The following GRIN3B variants were observed in gnomAD, a reference collection of about 807,000 sequenced individuals.
GRIN3B encodes the protein glutamate ionotropic receptor NMDA type subunit 3B, also known as glutamate receptor ionotropic, NMDA 3B.
A neutral mutation model predicts 66.0 loss-of-function variants in GRIN3B; 77 were observed. The ratio of observed to expected loss-of-function variants is 1.17; its 90% CI spans 0.97 to 1.41. The LOEUF (loss-of-function observed/expected upper bound fraction) is 1.41, where lower values mean the gene tolerates loss of function less well. GRIN3B is among the 40% of genes most tolerant of loss of function. GRIN3B has a pLI of 0.00. For synonymous variants in GRIN3B, 823 were observed against 749.7 expected, an observed-to-expected ratio of 1.10 and a Z score of -1.60; for missense variants, 1,787 against 1,564.5, an observed-to-expected ratio of 1.14 and a Z score of -2.40.
intron 6 of GRIN3B, 55 bp from the exon 7 acceptor site, chr19:1,008,563 C>T: frequency 1.3e-6 from 2 of 1,563,104 alleles, no homozygotes; most frequent in Non-Finnish European, 1.7e-6. Flanking sequence ...GTTCAAGGCT[C>T]CCCAGGGGCC....
rs11085233 is a variant in GRIN3B at position 1,007,354 on chromosome 19, A to G, written c.2053-274A>G. ...AGGCGTCCAGCCCAGGGCGAGGTCC[A>G]GGTGGAGATGGACTTGCCGGCGTTT... On this transcript the variant is annotated intron_variant, in intron 3 of 8. Coordinates refer to ENST00000234389, the MANE Select transcript of GRIN3B (RefSeq NM_138690.3). The surrounding 1 kb of genome is among the most constrained non-coding windows in gnomAD (Gnocchi z 4.4). Among the ~76,000 whole-genome samples the G allele has an allele frequency of 0.38, 57,685 of 151,608 alleles. 11,495 individuals are homozygous for G. The highest frequency in any genetic ancestry group is 0.5 in the African/African-American group (20,560 of 41,244).
rs1253903191 is a variant in GRIN3B, at chr19:1,004,910, G to A, written c.1409G>A (p.Arg470His). The change falls in exon 3 of 9, where the codon CGT (arginine) becomes CAT (histidine). Residue 470 changes from arginine (R) to histidine (H), a missense_variant. Arg to His is a conservative substitution (Grantham distance 29). Coordinates refer to ENST00000234389, the MANE Select transcript of GRIN3B (RefSeq NM_138690.3). Reference protein sequence around the residue: ...FAALANGSAPRALRKCCYGYC... With the variant: ...FAALANGSAPHALRKCCYGYC... ...GCGCTGGCCAACGGCTCAGCGCCCC[G>A]TGCCCTGCGCAAGTGCTGCTACGGC... 12 of 1,611,528 alleles carry A rather than the reference G, an allele frequency of 7.4e-6. No individual in the cohort carries two copies. The highest frequency in any genetic ancestry group is 1.7e-5 in the Admixed American group (1 of 59,964).
Position 1,007,846 on chromosome 19 carries a change from G to T in GRIN3B, c.2199-10G>T. 6.3e-7 allele frequency: 1 copy of T among 1,599,450 alleles called. No individual in the cohort carries two copies. Among genetic ancestry groups the T allele is most frequent in the African/African-American group, 1.3e-5 (1 of 74,508 alleles). On this transcript the variant is annotated splice_polypyrimidine_tract_variant and intron_variant, in intron 4 of 8. Coordinates refer to ENST00000234389, the MANE Select transcript of GRIN3B (RefSeq NM_138690.3). The surrounding 1 kb of genome is among the most constrained non-coding windows in gnomAD (Gnocchi z 4.4). Reference sequence around the variant, plus strand: ...GGGCGATGGCTGACCCCCGCCCCCGGCCCCAGCAGGAGCGACCCCCCCAAG... The same window carrying T: ...GGGCGATGGCTGACCCCCGCCCCCGTCCCCAGCAGGAGCGACCCCCCCAAG...
In GRIN3B at chr19:1,004,881, C is replaced by G; in HGVS notation, c.1380C>G (p.Phe460Leu). 6.2e-7 allele frequency: 1 copy of G among 1,606,166 alleles called. No homozygotes were observed. Among genetic ancestry groups the G allele is most frequent in the Admixed American group, 1.7e-5 (1 of 59,452 alleles). Residue 460 changes from phenylalanine (F) to leucine (L), a missense_variant, in exon 3 of 9, where the codon TTC becomes TTG. By Grantham distance (22) the Phe-to-Leu change is conservative (BLOSUM62 0). Transcript: ENST00000234389. ...ACTCGGCCACCCTGGACGCACTGTT[C>G]GCCGCGCTGGCCAACGGCTCAGCGC... ...TNDSATLDAL[F>L]AALANGSAPR... is the part of the protein sequence containing the mutation.
In GRIN3B at chr19:1,009,228, G is replaced by A. The variant is rs1318027657; in HGVS notation, c.2758G>A (p.Gly920Ser). Residue 920 changes from glycine to serine, a missense_variant, in exon 9 of 9, where the codon GGC becomes AGC. Gly to Ser is a moderately conservative substitution (Grantham distance 56). Transcript: ENST00000234389. ...GCAGGACCAGCCAACGGCTCCGGAG[G>A]GCTGGAAACGGGCGCGCCGGGCCGT... ...QQQDQPTAPE[G>S]WKRARRAVDK... The A allele has an allele frequency of 7.5e-6, 11 of 1,459,552 alleles. No individual in the cohort carries two copies. The highest frequency in any genetic ancestry group is 2.7e-5 in the East Asian group (1 of 36,564). The allele number at this position is 1,459,552 out of a possible 1,614,324, so 90.4% of individuals were successfully genotyped here.
At position 1,007,624 on chromosome 19, in the gene GRIN3B, G is replaced by A. The variant is rs1002017434; in HGVS notation, c.2053-4G>A. On this transcript the variant is annotated splice_region_variant and splice_polypyrimidine_tract_variant and intron_variant, in intron 3 of 8. Coordinates refer to ENST00000234389, the MANE Select transcript of GRIN3B (RefSeq NM_138690.3). This position sits in a 1 kb window ranked among gnomAD's most constrained non-coding sequence, Gnocchi z 4.4. ...CAGAGGCGCTGACGGGGTCCCCCGC[G>A]CAGCTGCACCACCCGGCGCAGGGCT... The A allele has an allele frequency of 1.1e-4, 158 of 1,495,954 alleles. 1 individual carries two copies. Among genetic ancestry groups the A allele is most frequent in the Non-Finnish European group, 1.4e-4 (156 of 1,126,236 alleles). The allele number at this position is 1,495,954 out of a possible 1,614,324, so 92.7% of individuals were successfully genotyped here.
Position 1,003,662 on chromosome 19 carries a change from C to T in GRIN3B, c.959C>T (p.Pro320Leu), listed in dbSNP as rs1298292181. The change falls in exon 2 of 9, where the codon CCG (proline) becomes CTG (leucine). Residue 320 changes from proline to leucine, a missense_variant. Physicochemically the swap from Pro to Leu is moderately conservative, Grantham distance 98. Coordinates refer to ENST00000234389, the MANE Select transcript of GRIN3B (RefSeq NM_138690.3). ...VQPKRALLPA[P>L]VNCGDLQPAG... The stretch of plus-strand genomic sequence containing the variant: ...CCGAAGCGAGCCCTCCTCCCCGCCC[C>T]GGTCAACTGCGGGGACCTGCAGCCG... 4.3e-6 allele frequency: 6 copies of T among 1,410,722 alleles called. No individual in the cohort carries two copies. Among genetic ancestry groups the T allele is most frequent in the South Asian group, 1.5e-5 (1 of 65,848 alleles). 87.4% of individuals were successfully genotyped at this position (1,410,722 alleles called of 1,614,324 possible).
At chr19:1,006,239 C>T (rs564121993) in intron 3 of GRIN3B, among the ~76,000 whole-genome samples, 1 of 152,246 alleles carries the variant, frequency 6.6e-6, no homozygotes, top group Non-Finnish European at 1.5e-5. Context: ...ACCTCTGCCT[C>T]CTGGGCTCAA....
rs55646937 is a variant in GRIN3B, at chr19:1,003,440, G to T, written c.737G>T (p.Arg246Leu). Residue 246 changes from arginine (R) to leucine (L), a missense_variant, in exon 2 of 9, where the codon CGT becomes CTT. Arg to Leu is a moderately radical substitution (Grantham distance 102). Coordinates refer to ENST00000234389, the MANE Select transcript of GRIN3B (RefSeq NM_138690.3). Reference protein sequence around the residue: ...VLLGCDIARARRVLEAVPPGP... With the variant: ...VLLGCDIARALRVLEAVPPGP... ...CTCGGCTGTGACATCGCCCGTGCCC[G>T]TCGGGTGCTGGAGGCCGTACCTCCC... 7 of 1,540,632 alleles carry T rather than the reference G, an allele frequency of 4.5e-6. No individual in the cohort carries two copies. In the East Asian group the frequency reaches 1.7e-4, roughly 37 times the overall value.
In GRIN3B at chr19:1,005,363, A is replaced by T. The variant is rs1432790226; in HGVS notation, c.1862A>T (p.Asn621Ile). The T allele has an allele frequency of 1.2e-6, 2 of 1,613,504 alleles. No individual in the cohort carries two copies. The highest frequency in any genetic ancestry group is 1.7e-6 in the Non-Finnish European group (2 of 1,179,944). ...GTCTTCTCCTACTCCTCAGCCCTCAACCTGTGCTACGCCATCCTCTTCAGA... is the reference window on the plus strand; with the variant it reads ...GTCTTCTCCTACTCCTCAGCCCTCATCCTGTGCTACGCCATCCTCTTCAGA... The part of the protein sequence containing the change: ...STVFSYSSAL[N>I]LCYAILFRRT... The change falls in exon 3 of 9, where the codon AAC becomes ATC. Residue 621 changes from asparagine (N) to isoleucine (I), a missense_variant. Physicochemically the swap from Asn to Ile is moderately radical, Grantham distance 149. Transcript: ENST00000234389. The surrounding 1 kb of genome is among the most constrained non-coding windows in gnomAD (Gnocchi z 5.2).
intron 3 of GRIN3B, among the ~76,000 whole-genome samples, chr19:1,006,837 C>G (rs117039544): frequency 1.3e-5 from 2 of 152,210 alleles, no homozygotes; most frequent in African/African-American, 2.4e-5. Context: ...TTTCATCATA[C>G]GGAAACTTCC....
chr19:1,009,311 AGCGGAC>A lies in GRIN3B; in HGVS notation c.2847_2852del (p.Asp949_Ala950del), dbSNP rs747765271. 1.5e-5 allele frequency: 21 copies of A among 1,407,532 alleles called. No individual in the cohort carries two copies. The highest frequency in any genetic ancestry group is 3.0e-5 in the African/African-American group (2 of 65,616). 87.2% of individuals were successfully genotyped at this position (1,407,532 alleles called of 1,614,324 possible). On this transcript the variant is annotated inframe_deletion, in exon 9 of 9. Transcript: ENST00000234389. ...AGCCCGCCGTGGTTGTGGCACCCGA[AGCGGAC>A]GCGGAGGCGGAGGCTGCGCCGCGAG...
In GRIN3B at chr19:1,005,578, G is replaced by A; in HGVS notation, c.2052+25G>A. Reference sequence around the variant, plus strand: ...GGTGGGCGGCCTCGGGGGGCTGCGGGTGGCCTTGGGGGGCTAGCGGTGGCC... The same window carrying A: ...GGTGGGCGGCCTCGGGGGGCTGCGGATGGCCTTGGGGGGCTAGCGGTGGCC... On this transcript the variant is annotated intron_variant, in intron 3 of 8. Transcript: ENST00000234389. The surrounding 1 kb of genome is among the most constrained non-coding windows in gnomAD (Gnocchi z 5.2). 6.5e-7 allele frequency: 1 copy of A among 1,528,632 alleles called. No individual in the cohort carries two copies. The highest frequency in any genetic ancestry group is 8.8e-7 in the Non-Finnish European group (1 of 1,134,480). 94.7% of individuals were successfully genotyped at this position (1,528,632 alleles called of 1,614,324 possible).
Position 1,009,569 on chromosome 19 carries a change from AC to A in GRIN3B, c.3101del (p.Pro1034HisfsTer51). ...CCAGAGCGGCCCCCGCGGAGGCCCC[AC>A]CACACTCTGGCCGACCGGGGAGCCA... ...QARAAPAEAP[P>X]HSGRPGSQE On this transcript the variant is annotated frameshift_variant, in exon 9 of 9. Transcript: ENST00000234389. LOFTEE classifies it low-confidence loss of function (END_TRUNC). 1.1e-6 allele frequency: 1 copy of A among 889,684 alleles called. No individual in the cohort carries two copies. The highest frequency in any genetic ancestry group is 2.0e-5 in the South Asian group (1 of 49,444). The allele number at this position is 889,684 out of a possible 1,614,324, so 55.1% of individuals were successfully genotyped here. A position where few individuals can be genotyped will look rare whatever the true frequency, so the allele number is the denominator to read the frequency against.
At chr19:1,002,840 A>G in intron 1 of GRIN3B, 1 of 336,912 alleles carries the variant, frequency 3.0e-6, no homozygotes, top group Non-Finnish European at 5.4e-6. Context: ...GGGCATAGAG[A>G]GAGAAAGATA....
rs557070048 is a variant in GRIN3B at position 1,008,233 on chromosome 19, T to A, written c.2408T>A (p.Leu803His). ...RYKSSGFIDL[L>H]HDKWYKMVPC... ...AAGTCCTCCGGCTTCATCGACCTGCTCCACGACAAGTGGTACAAGATGGTG... is the reference window on the plus strand; with the variant it reads ...AAGTCCTCCGGCTTCATCGACCTGCACCACGACAAGTGGTACAAGATGGTG... Residue 803 changes from leucine (L) to histidine (H), a missense_variant, in exon 6 of 9, where the codon CTC becomes CAC. Physicochemically the swap from Leu to His is moderately conservative, Grantham distance 99. Coordinates refer to ENST00000234389, the MANE Select transcript of GRIN3B (RefSeq NM_138690.3). The A allele has an allele frequency of 5.2e-6, 8 of 1,548,690 alleles. No homozygotes were observed. In the Admixed American group the frequency reaches 7.0e-5, roughly 14 times the overall value.
chr19:1,004,682 T>G lies in GRIN3B; in HGVS notation c.1181T>G (p.Leu394Arg). 6.2e-7 allele frequency: 1 copy of G among 1,600,564 alleles called. No individual in the cohort carries two copies. Among genetic ancestry groups the G allele is most frequent in the South Asian group, 1.1e-5 (1 of 90,074 alleles). The change falls in exon 3 of 9, where the codon CTG becomes CGG. Residue 394 changes from leucine (L) to arginine (R), a missense_variant. Physicochemically the swap from Leu to Arg is moderately radical, Grantham distance 102 (BLOSUM62 -2). Transcript: ENST00000234389. ...GTGGGCAGCTGGCGGGACGGCCAGCTGGACTTGGAACCGGGAGGTGCCTCT... is the reference window on the plus strand; with the variant it reads ...GTGGGCAGCTGGCGGGACGGCCAGCGGGACTTGGAACCGGGAGGTGCCTCT... The part of the protein sequence containing the change: ...ATVGSWRDGQ[L>R]DLEPGGASAR...
intron 6 of GRIN3B, 58 bp downstream of exon 6, chr19:1,008,349 C>T (rs1378714756): frequency 7.9e-6 from 10 of 1,271,996 alleles, no homozygotes; most frequent in Non-Finnish European, 1.1e-5. Context: ...GGGCCCTGAG[C>T]CTTGTCTGAA....
In GRIN3B at chr19:1,009,222, C is replaced by T; in HGVS notation, c.2752C>T (p.Pro918Ser). The change falls in exon 9 of 9, where the codon CCG becomes TCG. Residue 918 changes from proline to serine, a missense_variant. Pro to Ser is a moderately conservative substitution (Grantham distance 74, BLOSUM62 -1). Coordinates refer to ENST00000234389, the MANE Select transcript of GRIN3B (RefSeq NM_138690.3). ...QQQQQDQPTA[P>S]EGWKRARRAV... ...GCAGCAGCAGGACCAGCCAACGGCT[C>T]CGGAGGGCTGGAAACGGGCGCGCCG... 1 of 1,466,318 alleles carries T rather than the reference C, an allele frequency of 6.8e-7. No homozygotes were observed. Among genetic ancestry groups the T allele is most frequent in the Non-Finnish European group, 8.9e-7 (1 of 1,120,252 alleles). 90.8% of individuals were successfully genotyped at this position (1,466,318 alleles called of 1,614,324 possible). A position where few individuals can be genotyped will look rare whatever the true frequency, so the allele number is the denominator to read the frequency against.
Sources: allele counts gnomAD v4.1 joint callset (sites outside exome capture counted in the v4.1 genomes callset), GRCh38; gene constraint gnomAD v4.1.1; non-coding constraint Gnocchi (gnomAD v3.1); transcripts MANE v1.5; gene names NCBI Gene and HGNC (gene_info 2026-07-23, HGNC 2026-07-21).